SLC36A3: variants seen among roughly 807,000 people sequenced by gnomAD.
SLC36A3 encodes proton-coupled amino acid transporter 3.
SLC36A3 carries 35 observed loss-of-function variants against 44.3 expected under a neutral mutation model. The observed-to-expected ratio is 0.79, with a 90% confidence interval of 0.60 to 1.05. The LOEUF is 1.05. Ranked by LOEUF, SLC36A3 falls within the 50% of genes least tolerant of loss-of-function variation. The pLI is 0.00. For synonymous variants in SLC36A3, 211 were observed against 227.6 expected, an observed-to-expected ratio of 0.93 and a Z score of 0.66; for missense variants, 540 against 578.7, an observed-to-expected ratio of 0.93 and a Z score of 0.69.
intron 9 of SLC36A3, among the ~76,000 whole-genome samples, chr5:151,279,371 C>A (rs1387933550): frequency 1.3e-5 from 2 of 152,168 alleles, no homozygotes; most frequent in African/African-American, 4.8e-5. Context: ...AAGGCAGAAG[C>A]TACATCTTCT....
At chr5:151,295,411 GT>G (rs1211266981) in intron 3 of SLC36A3, among the ~76,000 whole-genome samples, 2 of 152,208 alleles carry the variant, frequency 1.3e-5, no homozygotes, top group Non-Finnish European at 2.9e-5. Flanking sequence ...TCTTAAAAGC[GT>G]TTTGTGAGCA....
intron 1 of SLC36A3, among the ~76,000 whole-genome samples, chr5:151,302,389 A>C (rs921755381): frequency 1.3e-5 from 2 of 152,204 alleles, no homozygotes; most frequent in African/African-American, 2.4e-5. Context: ...AAGTCCTAGA[A>C]GAAGAGTTCT....
chr5:151,286,276 T>A (rs1225685654), intron 6 of SLC36A3, among the ~76,000 whole-genome samples: 1 of 152,172 alleles, frequency 6.6e-6, no homozygotes, highest in Non-Finnish European at 1.5e-5. Context: ...TATAAAATGG[T>A]ATAGTATTTG....
intron 2 of SLC36A3, chr5:151,298,034 A>G (rs1755019480): frequency 6.6e-6 from 1 of 152,298 alleles, no homozygotes; most frequent in Non-Finnish European, 1.5e-5. Flanking sequence ...GTAGATATAA[A>G]TGGTAGAAAA....
chr5:151,303,281 C>T lies in SLC36A3; in HGVS notation c.74G>A (p.Ser25Asn), dbSNP rs779188220. 1 of 1,614,132 alleles carries T rather than the reference C, an allele frequency of 6.2e-7. No homozygotes were observed. The highest frequency in any genetic ancestry group is 1.1e-5 in the South Asian group (1 of 91,078). Residue 25 changes from serine (S) to asparagine (N), a missense_variant, in exon 1 of 10, where the codon AGC becomes AAC. Physicochemically the swap from Ser to Asn is conservative, Grantham distance 46. Transcript: ENST00000335230. Reference sequence around the variant, plus strand: ...ATTCTCTGAAGTAATGCTACTGCTGCTCTCTGAGGGTGACTGAGGTCCGTT... The same window carrying T: ...ATTCTCTGAAGTAATGCTACTGCTGTTCTCTGAGGGTGACTGAGGTCCGTT... ...LDNGPQSPSE[S>N]SSSITSENVH...
Position 151,290,987 on chromosome 5 carries a change from C to CT in SLC36A3, c.404+2376dup, listed in dbSNP as rs879631219. On this transcript the variant is annotated intron_variant, in intron 4 of 9. Transcript: ENST00000335230. Reference sequence around the variant, plus strand: ...TGTCTTACAAAATTAACAATAATTTCTTTTTTTTTTTTTGAGACAGATTCT... The same window carrying CT: ...TGTCTTACAAAATTAACAATAATTTCTTTTTTTTTTTTTTGAGACAGATTCT... Among the ~76,000 whole-genome samples the CT allele has an allele frequency of 1.4e-3, 202 of 145,558 alleles. 1 individual carries two copies. The highest frequency in any genetic ancestry group is 1.7e-3 in the South Asian group (8 of 4,574).
chr5:151,290,144 G>A (rs768319441), intron 4 of SLC36A3, among the ~76,000 whole-genome samples: 5 of 151,708 alleles, frequency 3.3e-5, no homozygotes, highest in Non-Finnish European at 7.4e-5. Flanking sequence ...TTATTCTTTT[G>A]GGTTCTTAAA....
Position 151,293,427 on chromosome 5 carries a change from G to C in SLC36A3, c.341C>G (p.Ala114Gly), listed in dbSNP as rs150561602. 7.4e-6 allele frequency: 12 copies of C among 1,613,594 alleles called. No homozygotes were observed. The highest frequency in any genetic ancestry group is 6.7e-5 in the Admixed American group (4 of 59,966). ...GCAGGTTTCAAGGCCGTACATCGTG[G>C]CCTCTCCATAGTTCACAAAAGTCTT... ...LQKTFVNYGE[A>G]TMYGLETCPN... The change falls in exon 4 of 10, where the codon GCC becomes GGC. Residue 114 changes from alanine to glycine, a missense_variant. Ala to Gly is a moderately conservative substitution (Grantham distance 60, BLOSUM62 0). Coordinates refer to ENST00000335230, the MANE Select transcript of SLC36A3 (RefSeq NM_181774.4).
chr5:151,300,235 TAG>T (rs1755124054), intron 1 of SLC36A3, among the ~76,000 whole-genome samples: 1 of 152,200 alleles, frequency 6.6e-6, no homozygotes, highest in South Asian at 2.1e-4. Flanking sequence ...TCTTATCCAT[TAG>T]AGAGTCATGG....
chr5:151,299,252 CTCTCTCTCTCTCTA>C (rs375410424), intron 1 of SLC36A3, among the ~76,000 whole-genome samples: 5,010 of 94,432 alleles, frequency 0.053, 112 homozygotes, highest in South Asian at 0.085. Context: ...CTCTCTCTCT[CTCTCTCTCTCTCTA>C]TATATATATA....
Position 151,277,916 on chromosome 5 carries a change from G to A in SLC36A3, c.1145-255C>T, listed in dbSNP as rs142652882. Among the ~76,000 whole-genome samples the A allele has an allele frequency of 3.1e-3, 472 of 152,110 alleles. 4 individuals are homozygous for A. The highest frequency in any genetic ancestry group is 0.011 in the African/African-American group (456 of 41,506). Reference sequence around the variant, plus strand: ...GGAAGGGCTCTTCTACCACTTACCTGTTAATAACCTCCCCACTGTAGAGAT... The same window carrying A: ...GGAAGGGCTCTTCTACCACTTACCTATTAATAACCTCCCCACTGTAGAGAT... On this transcript the variant is annotated intron_variant, in intron 9 of 9. Coordinates refer to ENST00000335230, the MANE Select transcript of SLC36A3 (RefSeq NM_181774.4).
chr5:151,300,799 A>G (rs1755143839), intron 1 of SLC36A3, among the ~76,000 whole-genome samples: 2 of 152,228 alleles, frequency 1.3e-5, no homozygotes, highest in Non-Finnish European at 1.5e-5. Flanking sequence ...AATCCCACCA[A>G]TGGAAAATAA....
intron 1 of SLC36A3, among the ~76,000 whole-genome samples, chr5:151,301,003 G>T (rs1047519350): frequency 2.6e-5 from 4 of 152,182 alleles, no homozygotes; most frequent in Non-Finnish European, 5.9e-5. Flanking sequence ...CTGTATGTTT[G>T]TTTCATGTGT....
chr5:151,279,134 C>T (rs1561626224), intron 9 of SLC36A3, among the ~76,000 whole-genome samples: 1 of 151,556 alleles, frequency 6.6e-6, no homozygotes, highest in South Asian at 2.1e-4. Context: ...CTTCACTCCT[C>T]CGTCTATTTG....
intron 1 of SLC36A3, among the ~76,000 whole-genome samples, chr5:151,302,731 A>AAAATT (rs1479784296): frequency 6.6e-6 from 1 of 152,152 alleles, no homozygotes; most frequent in Non-Finnish European, 1.5e-5. Context: ...CCTGGAACTT[A>AAAATT]AAATTAAATT....
chr5:151,284,609 T>G lies in SLC36A3; in HGVS notation c.807+4A>C, dbSNP rs1430628272. 3.7e-6 allele frequency: 6 copies of G among 1,607,836 alleles called. No individual in the cohort carries two copies. Among genetic ancestry groups the G allele is most frequent in the Non-Finnish European group, 5.1e-6 (6 of 1,176,138 alleles). On this transcript the variant is annotated splice_donor_region_variant and intron_variant, in intron 7 of 9. Coordinates refer to ENST00000335230, the MANE Select transcript of SLC36A3 (RefSeq NM_181774.4). ...ACCATTCGCGTGAACCCCATCAATC[T>G]TACCATACCGACGCCTTCAAATGTG...
chr5:151,296,195 T>C lies in SLC36A3; in HGVS notation c.293A>G (p.Gln98Arg). The change falls in exon 3 of 10, where the codon CAA (glutamine) becomes CGA (arginine). Residue 98 changes from glutamine to arginine, a missense_variant. By Grantham distance (43) the Gln-to-Arg change is conservative (BLOSUM62 1). Coordinates refer to ENST00000335230, the MANE Select transcript of SLC36A3 (RefSeq NM_181774.4). ...GGCCTCTGACCTCTGGCTGAGGTGT[T>C]GAGCACAGTTCAACAGGATGACCAT... ...HCMVILLNCAQHLSQRLQKTF... is the reference protein window; with the variant it reads ...HCMVILLNCARHLSQRLQKTF... The C allele has an allele frequency of 6.2e-7, 1 of 1,614,094 alleles. No homozygotes were observed. The highest frequency in any genetic ancestry group is 8.5e-7 in the Non-Finnish European group (1 of 1,180,008).
chr5:151,277,831 T>C (rs1561625519), intron 9 of SLC36A3, among the ~76,000 whole-genome samples, 170 bp from the exon 10 acceptor site: 1 of 152,192 alleles, frequency 6.6e-6, no homozygotes, highest in Non-Finnish European at 1.5e-5. Context: ...TAACTAGTAA[T>C]ATAGATGCTC....
intron 6 of SLC36A3, 85 bp from the exon 7 acceptor site, chr5:151,284,796 A>G: frequency 1.1e-6 from 1 of 916,838 alleles, no homozygotes; most frequent in South Asian, 1.8e-5. Flanking sequence ...GCTGGGTCAC[A>G]CCTGATCTCA....
Sources: allele counts gnomAD v4.1 joint callset (sites outside exome capture counted in the v4.1 genomes callset), GRCh38; gene constraint gnomAD v4.1.1; transcripts MANE v1.5; gene names NCBI Gene and HGNC (gene_info 2026-07-23, HGNC 2026-07-21).